SDCCAG8: variants seen among roughly 807,000 people sequenced by gnomAD.
SDCCAG8 encodes the protein serologically defined colon cancer antigen 8.
In SDCCAG8, 74 loss-of-function variants were observed where a neutral mutation model predicts 101.8. The observed-to-expected ratio is 0.73, with a 90% CI of 0.60 to 0.88. The LOEUF (loss-of-function observed/expected upper bound fraction) is 0.88, where lower values mean the gene tolerates loss of function less well. Ranked by LOEUF, SDCCAG8 falls within the 40% of genes least tolerant of loss-of-function variation. SDCCAG8 has a pLI of 0.00. For missense variants in SDCCAG8, 787 were observed against 822.6 expected (o/e 0.96, Z 0.53); for synonymous variants, 281 against 292.9 (o/e 0.96, Z 0.41).
intron 16 of SDCCAG8, among the ~76,000 whole-genome samples, chr1:243,459,954 G>A (rs1489984442): frequency 3.9e-5 from 6 of 152,128 alleles, no homozygotes; most frequent in Non-Finnish European, 5.9e-5. Context: ...AAATGGTGAC[G>A]TGGTAATTCC....
At chr1:243,469,451 T>A (rs1660795192) in intron 16 of SDCCAG8, among the ~76,000 whole-genome samples, 1 of 152,244 alleles carries the variant, frequency 6.6e-6, no homozygotes, top group South Asian at 2.1e-4. Flanking sequence ...ATACATGCTG[T>A]CCTCAAGGTG....
At position 243,262,053 on chromosome 1, in the gene SDCCAG8, G is replaced by T. The variant is rs1434547676; in HGVS notation, c.67+5813G>T. Among the ~76,000 whole-genome samples, 4 of 151,142 alleles carry T rather than the reference G, an allele frequency of 2.6e-5. No individual in the cohort carries two copies. The Middle Eastern group carries it at 0.014, about 536-fold the overall frequency. ...TCAAACTCCCAACCTCAGGTGATCT[G>T]CCTGCCTTGGCCTCCCAAAGTGCTG... On this transcript the variant is annotated intron_variant, in intron 1 of 17. Coordinates refer to ENST00000366541, the MANE Select transcript of SDCCAG8 (RefSeq NM_006642.5).
chr1:243,348,881 G>T (rs969136532), intron 12 of SDCCAG8, among the ~76,000 whole-genome samples: 2 of 151,860 alleles, frequency 1.3e-5, no homozygotes, highest in Admixed American at 6.6e-5. Flanking sequence ...AGCTACTCAG[G>T]AGGGTGAGGC....
chr1:243,382,435 CAA>C (rs1159819531), intron 13 of SDCCAG8, among the ~76,000 whole-genome samples: 1 of 152,060 alleles, frequency 6.6e-6, no homozygotes, highest in Non-Finnish European at 1.5e-5. Context: ...AAAGGGGAAA[CAA>C]TATTTTTTGA....
chr1:243,369,528 A>G (rs1292567954), intron 12 of SDCCAG8, among the ~76,000 whole-genome samples: 1 of 152,120 alleles, frequency 6.6e-6, no homozygotes, highest in Admixed American at 6.6e-5. Context: ...ACTATGAACC[A>G]TCTGATTTTA....
chr1:243,267,549 C>T, intron 1 of SDCCAG8: 1 of 436,504 alleles, frequency 2.3e-6, no homozygotes, highest in Non-Finnish European at 4.2e-6. Context: ...GTGCGGTGAG[C>T]CGAGATTGCG....
At chr1:243,443,019 A>G (rs1479043644) in intron 16 of SDCCAG8, among the ~76,000 whole-genome samples, 1 of 152,256 alleles carries the variant, frequency 6.6e-6, no homozygotes, top group Non-Finnish European at 1.5e-5. Context: ...AGTATGCAAT[A>G]AAGAGGGACA....
At chr1:243,459,949 G>A (rs1418154761) in intron 16 of SDCCAG8, among the ~76,000 whole-genome samples, 3 of 152,076 alleles carry the variant, frequency 2.0e-5, no homozygotes, top group Non-Finnish European at 2.9e-5. Context: ...GTAATAAATG[G>A]TGACGTGGTA....
At chr1:243,312,905 T>G (rs569467931) in intron 8 of SDCCAG8, among the ~76,000 whole-genome samples, 1 of 152,180 alleles carries the variant, frequency 6.6e-6, no homozygotes, top group South Asian at 2.1e-4. Context: ...TTCCGACCTT[T>G]CGCCTTTCAC....
intron 2 of SDCCAG8, 145 bp downstream of exon 2, chr1:243,270,402 T>C: frequency 1.0e-6 from 1 of 954,410 alleles, no homozygotes; most frequent in Non-Finnish European, 1.6e-6. Flanking sequence ...CCTCGCTTAA[T>C]CTTGTTTTCC....
intron 13 of SDCCAG8, among the ~76,000 whole-genome samples, chr1:243,394,461 A>G (rs1457546960): frequency 3.9e-5 from 6 of 152,196 alleles, no homozygotes; most frequent in Non-Finnish European, 8.8e-5. Flanking sequence ...AGCCCTGAAA[A>G]TATTTCCACA....
At chr1:243,499,513 C>CT (rs1668975254) in intron 17 of SDCCAG8, among the ~76,000 whole-genome samples, 1 of 152,214 alleles carries the variant, frequency 6.6e-6, no homozygotes, top group Admixed American at 6.5e-5. Flanking sequence ...GCAGGCGTGT[C>CT]TTTTGTCTAG....
chr1:243,469,195 A>G (rs967159670), intron 16 of SDCCAG8, among the ~76,000 whole-genome samples: 3 of 152,234 alleles, frequency 2.0e-5, no homozygotes, highest in African/African-American at 7.2e-5. Flanking sequence ...TAACGGTCGA[A>G]TTGGACTCAT....
intron 12 of SDCCAG8, among the ~76,000 whole-genome samples, chr1:243,346,626 G>T (rs1352772365): frequency 1.3e-5 from 2 of 152,176 alleles, no homozygotes; most frequent in African/African-American, 2.4e-5. Context: ...AGAAGGAAAG[G>T]TTAGGAGAGT....
intron 12 of SDCCAG8, among the ~76,000 whole-genome samples, chr1:243,349,731 G>A (rs1387072363): frequency 6.6e-6 from 1 of 152,048 alleles, no homozygotes; most frequent in African/African-American, 2.4e-5. Flanking sequence ...GGCTTGGATG[G>A]GAGTGTAAAT....
At chr1:243,378,195 T>G (rs1319940488) in intron 12 of SDCCAG8, among the ~76,000 whole-genome samples, 3 of 151,954 alleles carry the variant, frequency 2.0e-5, no homozygotes, top group Non-Finnish European at 4.4e-5. Flanking sequence ...CCTGGATTAT[T>G]TTTTCCAAGT....
intron 5 of SDCCAG8, among the ~76,000 whole-genome samples, chr1:243,292,121 G>C (rs1439350886): frequency 2.0e-5 from 3 of 152,192 alleles, no homozygotes; most frequent in Non-Finnish European, 4.4e-5. Context: ...TTGGCATGTG[G>C]ATGCATTCGC....
At chr1:243,256,524 T>A (rs1327550721) in intron 1 of SDCCAG8, among the ~76,000 whole-genome samples, 2 of 152,270 alleles carry the variant, frequency 1.3e-5, no homozygotes, top group Admixed American at 6.5e-5. Context: ...GATAGCTCTA[T>A]GCCATTTTTG....
chr1:243,478,517 G>A (rs1662852783), intron 16 of SDCCAG8, among the ~76,000 whole-genome samples: 1 of 152,192 alleles, frequency 6.6e-6, no homozygotes, highest in Non-Finnish European at 1.5e-5. Flanking sequence ...AGGAATCTGA[G>A]AGAATGAGCC....
Sources: gnomAD v4.1 joint callset for allele counts (sites outside exome capture counted in the v4.1 genomes callset) on GRCh38, gnomAD v4.1.1 for gene constraint, MANE v1.5 for transcripts, NCBI Gene and HGNC (gene_info 2026-07-23, HGNC 2026-07-21) for gene names.